OPCML: variants seen among roughly 807,000 people sequenced by gnomAD.
The protein encoded by OPCML is opioid binding protein/cell adhesion molecule like, also known as opioid-binding protein/cell adhesion molecule.
In OPCML, 13 loss-of-function variants were observed where a neutral mutation model predicts 37.8. The observed-to-expected ratio is 0.34, with a 90% CI of 0.22 to 0.55. OPCML has a LOEUF of 0.55. Among genes scored for constraint, OPCML ranks in the 20% least tolerant of loss-of-function variants. The probability of loss-of-function intolerance (pLI) is 0.91; values close to 1 mark genes in which losing one functional copy is unlikely to be tolerated. For missense variants in OPCML, 341 were observed against 435.6 expected, an observed-to-expected ratio of 0.78 and a Z score of 1.93; for synonymous variants, 176 against 168.8, an observed-to-expected ratio of 1.04 and a Z score of -0.33.
At chr11:133,021,711 G>A (rs1467275381) in intron 1 of OPCML, among the ~76,000 whole-genome samples, 1 of 152,258 alleles carries the variant, frequency 6.6e-6, no homozygotes, top group Non-Finnish European at 1.5e-5. Flanking sequence ...ATCCTTATCA[G>A]TCATTAGAGA....
rs9667712 is a variant in OPCML, at chr11:132,446,961, G to A, written c.506-9602C>T. ...GTATAGGAGTGTCTTGTGCCCTGGC[G>A]TGGTCAGTGGACTGCCAATACTGTG... On this transcript the variant is annotated intron_variant, in intron 4 of 7. Coordinates refer to ENST00000524381, the MANE Select transcript of OPCML (RefSeq NM_001012393.5). Among the ~76,000 whole-genome samples the A allele has an allele frequency of 5.1e-3, 782 of 152,238 alleles. 6 individuals carry two copies. The highest frequency in any genetic ancestry group is 0.016 in the African/African-American group (679 of 41,542).
At chr11:132,997,728 T>A (rs562567707) in intron 1 of OPCML, among the ~76,000 whole-genome samples, 5 of 152,220 alleles carry the variant, frequency 3.3e-5, no homozygotes, top group Non-Finnish European at 2.9e-5. Flanking sequence ...CATCTTATTT[T>A]GGTTGATTCC....
At chr11:132,717,277 C>T (rs1944527663) in intron 2 of OPCML, among the ~76,000 whole-genome samples, 1 of 151,816 alleles carries the variant, frequency 6.6e-6, no homozygotes, top group African/African-American at 2.4e-5. Context: ...AGAGATAATA[C>T]CAGAATTTTT....
At chr11:133,239,510 C>G (rs546125832) in intron 1 of OPCML, among the ~76,000 whole-genome samples, 2 of 152,234 alleles carry the variant, frequency 1.3e-5, no homozygotes, top group South Asian at 4.1e-4. Flanking sequence ...CAGCCAGGGC[C>G]TCAGCCCCAG....
chr11:133,343,338 T>C (rs1943920063), intron 1 of OPCML, among the ~76,000 whole-genome samples: 1 of 152,198 alleles, frequency 6.6e-6, no homozygotes, highest in Non-Finnish European at 1.5e-5. Context: ...ACACTTGTCA[T>C]CTTTCCATCT....
At chr11:132,676,559 A>C (rs1458372475) in intron 2 of OPCML, among the ~76,000 whole-genome samples, 1 of 151,926 alleles carries the variant, frequency 6.6e-6, no homozygotes, top group East Asian at 1.9e-4. Context: ...TGTTTCTTGA[A>C]TATATAACTT....
intron 2 of OPCML, among the ~76,000 whole-genome samples, chr11:132,921,060 C>A (rs115699403): frequency 2.0e-5 from 3 of 152,226 alleles, no homozygotes; most frequent in African/African-American, 7.2e-5. Flanking sequence ...CTTGCTTCAT[C>A]ACTTTTTTCT....
chr11:133,096,324 G>C (rs1329723274), intron 1 of OPCML, among the ~76,000 whole-genome samples: 1 of 151,944 alleles, frequency 6.6e-6, no homozygotes, highest in Non-Finnish European at 1.5e-5. Flanking sequence ...TGAATGTATA[G>C]TGTGAACTCT....
intron 1 of OPCML, among the ~76,000 whole-genome samples, chr11:133,339,180 T>C (rs1370216298): frequency 6.6e-6 from 1 of 152,240 alleles, no homozygotes; most frequent in Non-Finnish European, 1.5e-5. Flanking sequence ...ATTTTATTAT[T>C]AATAAAAATG....
At chr11:133,254,037 A>G (rs1182023606) in intron 1 of OPCML, among the ~76,000 whole-genome samples, 2 of 152,196 alleles carry the variant, frequency 1.3e-5, no homozygotes, top group African/African-American at 2.4e-5. Flanking sequence ...CTTCAAAGAC[A>G]TGCAATTAGT....
rs116936885 is a variant in OPCML at position 132,933,379 on chromosome 11, T to G, written c.146+9547A>C. Among the ~76,000 whole-genome samples, 1,358 of 152,322 alleles carry G rather than the reference T, an allele frequency of 8.9e-3. 7 individuals carry two copies. The highest frequency in any genetic ancestry group is 0.017 in the Middle Eastern group (5 of 294). ...CGTTCAGAATCTCCTGCCTGTGGCT[T>G]CAATGATATTGTGCAATTGTCAAAT... On this transcript the variant is annotated intron_variant, in intron 2 of 7. Coordinates refer to ENST00000524381, the MANE Select transcript of OPCML (RefSeq NM_001012393.5).
At chr11:133,026,052 G>A (rs377766895) in intron 1 of OPCML, 49 of 984,910 alleles carry the variant, frequency 5.0e-5, no homozygotes, top group Non-Finnish European at 5.4e-5. Flanking sequence ...GATTTTTACT[G>A]TATTATTGTT....
intron 2 of OPCML, among the ~76,000 whole-genome samples, chr11:132,794,899 TAAAA>T (rs55742457): frequency 1.4e-5 from 2 of 140,762 alleles, no homozygotes; most frequent in African/African-American, 2.6e-5. Context: ...ATATCATGAG[TAAAA>T]AAAAAAAAAA....
chr11:132,916,794 C>A (rs61906930), intron 2 of OPCML, among the ~76,000 whole-genome samples: 37,391 of 152,040 alleles, frequency 0.25, 8,017 homozygotes, highest in African/African-American at 0.58. Flanking sequence ...GCTACCCTCA[C>A]CCTGCCTCCT....
At chr11:133,457,781 G>A (rs941107998) in intron 1 of OPCML, among the ~76,000 whole-genome samples, 4 of 152,034 alleles carry the variant, frequency 2.6e-5, no homozygotes, top group African/African-American at 4.8e-5. Context: ...ATTACCAATA[G>A]ACTTGTTCCA....
chr11:132,931,852 A>G (rs1945213922), intron 2 of OPCML, among the ~76,000 whole-genome samples: 1 of 152,236 alleles, frequency 6.6e-6, no homozygotes, highest in African/African-American at 2.4e-5. Context: ...AGCATTATTC[A>G]CAAGAGTGAA....
At chr11:132,551,090 C>A (rs910141789) in intron 3 of OPCML, among the ~76,000 whole-genome samples, 6 of 152,172 alleles carry the variant, frequency 3.9e-5, no homozygotes, top group African/African-American at 1.4e-4. Context: ...CTCAGTGCAG[C>A]ACAAAATAGA....
intron 7 of OPCML, among the ~76,000 whole-genome samples, chr11:132,435,511 T>A (rs1287026057): frequency 6.6e-6 from 1 of 152,288 alleles, no homozygotes; most frequent in Admixed American, 6.5e-5. Flanking sequence ...TAGGGAGACA[T>A]AGGGGCTTTA....
chr11:133,080,915 G>A (rs979883007), intron 1 of OPCML, among the ~76,000 whole-genome samples: 14 of 152,120 alleles, frequency 9.2e-5, no homozygotes, highest in Non-Finnish European at 1.2e-4. Context: ...CATGGGTCTC[G>A]GAGTCTAGTG....
Sources: gnomAD v4.1 joint callset for allele counts (sites outside exome capture counted in the v4.1 genomes callset) on GRCh38, gnomAD v4.1.1 for gene constraint, MANE v1.5 for transcripts, NCBI Gene and HGNC (gene_info 2026-07-23, HGNC 2026-07-21) for gene names.